METTL21A: variants seen among roughly 807,000 people sequenced by gnomAD.
METTL21A encodes methyltransferase 21A, HSPA lysine.
METTL21A carries 22 observed loss-of-function variants against 20.9 expected under a neutral mutation model. The observed-to-expected ratio is 1.05, with a 90% CI of 0.75 to 1.50. The LOEUF is 1.50. Ranked by LOEUF, METTL21A falls within the 40% of genes most tolerant of loss-of-function variation. The probability of loss-of-function intolerance (pLI) is 0.00; values close to 1 mark genes in which losing one functional copy is unlikely to be tolerated. For missense variants in METTL21A, 271 were observed against 266.8 expected, an observed-to-expected ratio of 1.02 and a Z score of -0.11; for synonymous variants, 93 against 102.0, an observed-to-expected ratio of 0.91 and a Z score of 0.53.
intron 3 of METTL21A, among the ~76,000 whole-genome samples, chr2:207,621,413 C>G (rs950451881): frequency 1.3e-5 from 2 of 152,200 alleles, no homozygotes; most frequent in African/African-American, 4.8e-5. Flanking sequence ...ATCTCCCTCA[C>G]AGGGTTAAAT....
chr2:207,605,914 GTTGA>G (rs1275907801), downstream of METTL21A, among the ~76,000 whole-genome samples: 2 of 152,132 alleles, frequency 1.3e-5, no homozygotes, highest in African/African-American at 2.4e-5. Context: ...ATTAACTTAT[GTTGA>G]TTACTATTTT....
At chr2:207,591,726 C>T (rs2085079172) in intron 3 of METTL21A, among the ~76,000 whole-genome samples, 1 of 152,306 alleles carries the variant, frequency 6.6e-6, no homozygotes, top group East Asian at 1.9e-4. Context: ...AACCACCATT[C>T]CCAGCCTCCT....
intron 3 of METTL21A, among the ~76,000 whole-genome samples, chr2:207,614,984 G>A (rs2089497250): frequency 6.6e-6 from 1 of 152,122 alleles, no homozygotes; most frequent in African/African-American, 2.4e-5. Context: ...CTGATACTCA[G>A]TGTTTCTTAT....
Position 207,596,665 on chromosome 2 carries a change from T to C in METTL21A, c.260-14505A>G, listed in dbSNP as rs146713400. Among the ~76,000 whole-genome samples the C allele has an allele frequency of 6.8e-3, 1,036 of 152,324 alleles. 11 individuals are homozygous for C. The highest frequency in any genetic ancestry group is 0.024 in the African/African-American group (994 of 41,568). ...CCAGGCTGATCTTGGACTCCTGACC[T>C]CAGGTGATCTCCCTGCCTTGGCCCC... On this transcript the variant is annotated intron_variant, in intron 3 of 3. Transcript: ENST00000425132.
chr2:207,617,331 G>A (rs373520201), intron 3 of METTL21A, among the ~76,000 whole-genome samples: 2 of 152,170 alleles, frequency 1.3e-5, no homozygotes, highest in East Asian at 1.9e-4. Flanking sequence ...ATGAGTGTGC[G>A]CAGGAAATCA....
At chr2:207,595,785 TC>T (rs2086037416) in intron 3 of METTL21A, among the ~76,000 whole-genome samples, 1 of 152,074 alleles carries the variant, frequency 6.6e-6, no homozygotes, top group African/African-American at 2.4e-5. Flanking sequence ...CCCAGGCTGT[TC>T]TTGAACACAT....
intron 3 of METTL21A, among the ~76,000 whole-genome samples, chr2:207,588,754 T>TG (rs2084389254): frequency 7.2e-6 from 1 of 138,264 alleles, no homozygotes; most frequent in Non-Finnish European, 1.5e-5. Flanking sequence ...TGTGTGGGGG[T>TG]GGGGGGACAT....
chr2:207,582,161 C>G lies in METTL21A; in HGVS notation c.260-1G>C. 1 of 702,834 alleles carries G rather than the reference C, an allele frequency of 1.4e-6. No individual in the cohort carries two copies. The highest frequency in any genetic ancestry group is 2.7e-5 in the East Asian group (1 of 37,260). 43.5% of individuals were successfully genotyped at this position (702,834 alleles called of 1,614,324 possible). On this transcript the variant is annotated splice_acceptor_variant, in intron 3 of 3. Coordinates refer to the METTL21A transcript ENST00000425132. LOFTEE classifies it high-confidence loss of function. ...GGGGAGGAGAATTAAATTCCACCTC[C>G]TAAAAGGGAGAATATGAAAGAAATT...
chr2:207,607,778 A>C (rs79439175), downstream of METTL21A, among the ~76,000 whole-genome samples: 886 of 150,534 alleles, frequency 5.9e-3, 7 homozygotes, highest in African/African-American at 0.02. Context: ...CATAACTTTA[A>C]AGAAATTGGG....
chr2:207,580,703 C>T (rs1438807033), downstream of METTL21A: 2 of 222,172 alleles, frequency 9.0e-6, no homozygotes, highest in Non-Finnish European at 1.8e-5. Flanking sequence ...AAAGTGTAGA[C>T]AGCTCTTCTG....
chr2:207,589,830 T>C lies in METTL21A; in HGVS notation c.260-7670A>G, dbSNP rs73056948. 2.6e-3 allele frequency among the ~76,000 whole-genome samples: 393 copies of C among 152,360 alleles called. 1 individual carries two copies. Among genetic ancestry groups the C allele is most frequent in the African/African-American group, 9.1e-3 (380 of 41,588 alleles). ...CCAATTGGTCATGAAGTATCATTTA[T>C]ACATTGCTGGATTCAATTTGCTAAT... On this transcript the variant is annotated intron_variant, in intron 3 of 3. Coordinates refer to the METTL21A transcript ENST00000425132.
chr2:207,593,318 G>T (rs577734795), intron 3 of METTL21A, among the ~76,000 whole-genome samples: 1 of 152,146 alleles, frequency 6.6e-6, no homozygotes, highest in Non-Finnish European at 1.5e-5. Context: ...TTGAGCCCAG[G>T]AATTCAAGAC....
chr2:207,602,714 A>G (rs1382140224), intron 3 of METTL21A: 1 of 211,014 alleles, frequency 4.7e-6, no homozygotes, highest in African/African-American at 2.3e-5. Context: ...ATTTTTATCC[A>G]AGTGCCACTC....
At chr2:207,602,514 C>G (rs2087252689) in intron 3 of METTL21A, 1 of 208,434 alleles carries the variant, frequency 4.8e-6, no homozygotes, top group South Asian at 1.9e-4. Context: ...ATGGCATTTC[C>G]AAGCTTTTGT....
chr2:207,608,862 G>C (rs2088529082), downstream of METTL21A, among the ~76,000 whole-genome samples: 1 of 152,234 alleles, frequency 6.6e-6, no homozygotes, highest in Non-Finnish European at 1.5e-5. Flanking sequence ...GGGAGGCGGA[G>C]CTTGCAGTGA....
rs1269635946 is a variant in METTL21A at position 207,588,553 on chromosome 2, G to A, written c.260-6393C>T. Among the ~76,000 whole-genome samples, 7 of 152,148 alleles carry A rather than the reference G, an allele frequency of 4.6e-5. No homozygotes were observed. In the South Asian group the frequency reaches 6.2e-4, roughly 14 times the overall value. On this transcript the variant is annotated intron_variant, in intron 3 of 3. Transcript: ENST00000425132. ...TTATAATCCGCTTGTTGATGTCTACGGAAAGTGTGCTAGAATTTTAGTTAG... is the reference window on the plus strand; with the variant it reads ...TTATAATCCGCTTGTTGATGTCTACAGAAAGTGTGCTAGAATTTTAGTTAG...
At chr2:207,601,401 C>CT (rs1364649536) in intron 3 of METTL21A, 1 of 186,898 alleles carries the variant, frequency 5.4e-6, no homozygotes, top group Admixed American at 6.2e-5. Context: ...ATTTTAGCAC[C>CT]TAAAAGCTAG....
downstream of METTL21A, chr2:207,609,360 T>A (rs1395550661): frequency 1.3e-5 from 2 of 152,328 alleles, no homozygotes; most frequent in Non-Finnish European, 2.9e-5. Context: ...TGTGTGTGTG[T>A]GAGATGTCAA....
intron 3 of METTL21A, chr2:207,602,548 A>G (rs1031283230): frequency 2.4e-5 from 5 of 211,300 alleles, no homozygotes; most frequent in African/African-American, 6.8e-5. Context: ...CAGAGAAGTG[A>G]GAGTAAATCT....
Sources: allele counts gnomAD v4.1 joint callset (sites outside exome capture counted in the v4.1 genomes callset), GRCh38; gene constraint gnomAD v4.1.1; transcripts MANE v1.5; gene names NCBI Gene and HGNC (gene_info 2026-07-23, HGNC 2026-07-21).